The following MGST1 variants were observed in gnomAD, a reference collection of about 807,000 sequenced individuals.
The protein encoded by MGST1 is glutathione S-transferase 12.
Under a neutral mutation model 8.9 loss-of-function variants are expected in MGST1, and 5 were observed. The ratio of observed to expected loss-of-function variants is 0.56; its 90% CI spans 0.29 to 1.19. The LOEUF is 1.19. MGST1 is among the 50% of genes most tolerant of loss of function. The pLI is 0.08. For synonymous variants in MGST1, 54 were observed against 67.8 expected, an observed-to-expected ratio of 0.80 and a Z score of 1.00; for missense variants, 182 against 187.4, an observed-to-expected ratio of 0.97 and a Z score of 0.17.
intron 4 of MGST1, among the ~76,000 whole-genome samples, chr12:16,512,240 T>TG (rs1941581949): frequency 6.6e-6 from 1 of 151,696 alleles, no homozygotes; most frequent in Non-Finnish European, 1.5e-5. Flanking sequence ...GTATGGATGG[T>TG]GGGGAAGATT....
intron 4 of MGST1, among the ~76,000 whole-genome samples, chr12:16,541,385 A>G (rs1335561763): frequency 1.3e-5 from 2 of 152,174 alleles, no homozygotes; most frequent in Admixed American, 6.5e-5. Context: ...AAGGTGAAAT[A>G]CCCTTGAATG....
chr12:16,492,620 C>A (rs1404641484), intron 4 of MGST1, among the ~76,000 whole-genome samples: 1 of 152,140 alleles, frequency 6.6e-6, no homozygotes, highest in African/African-American at 2.4e-5. Context: ...TTGTTTAAAT[C>A]TTTTCTGGAG....
intron 4 of MGST1, among the ~76,000 whole-genome samples, chr12:16,471,976 T>A: frequency 6.6e-6 from 1 of 152,006 alleles, no homozygotes; most frequent in Non-Finnish European, 1.5e-5. Context: ...CCGCTCCACA[T>A]ACTCACACAT....
intron 4 of MGST1, among the ~76,000 whole-genome samples, chr12:16,566,856 G>A (rs2137394619): frequency 6.6e-6 from 1 of 152,170 alleles, no homozygotes; most frequent in East Asian, 1.9e-4. Flanking sequence ...TGAATGAAAA[G>A]GAAAGAGAAG....
chr12:16,494,036 G>T (rs1197616531), intron 4 of MGST1, among the ~76,000 whole-genome samples: 1 of 151,954 alleles, frequency 6.6e-6, no homozygotes, highest in African/African-American at 2.4e-5. Context: ...TTTTCAACTG[G>T]CTTAATGCTG....
intron 4 of MGST1, chr12:16,567,319 T>G (rs1187003381): frequency 1.3e-5 from 2 of 154,714 alleles, no homozygotes; most frequent in Non-Finnish European, 2.9e-5. Flanking sequence ...TGAAAGTAGA[T>G]GCCTACTACG....
rs139624794 is a variant in MGST1 at position 16,371,328 on chromosome 12, G to A, written c.222-4794G>A. Among the ~76,000 whole-genome samples, 204 of 152,150 alleles carry A rather than the reference G, an allele frequency of 1.3e-3. 1 individual carries two copies. Among genetic ancestry groups the A allele is most frequent in the African/African-American group, 4.8e-3 (200 of 41,510 alleles). On this transcript the variant is annotated intron_variant, in intron 3 of 3. Transcript: ENST00000535309. ...CTTCATAAAGAAATATTTATTGAAG[G>A]ACTCATATGTGCCCAGCACTATTCT...
chr12:16,492,134 T>C (rs138988533), intron 4 of MGST1, among the ~76,000 whole-genome samples: 157 of 152,350 alleles, frequency 1.0e-3, no homozygotes, highest in Non-Finnish European at 2.1e-3. Context: ...AAAAATGGAA[T>C]GATATGTAGG....
chr12:16,405,930 A>G (rs1363461872), intron 1 of MGST1, among the ~76,000 whole-genome samples: 1 of 152,238 alleles, frequency 6.6e-6, no homozygotes, highest in African/African-American at 2.4e-5. Flanking sequence ...AGAGTCATCT[A>G]TGACAAACTC....
At chr12:16,375,028 G>A (rs1278409035) in intron 3 of MGST1, among the ~76,000 whole-genome samples, 1 of 152,086 alleles carries the variant, frequency 6.6e-6, no homozygotes, top group Non-Finnish European at 1.5e-5. Flanking sequence ...CAACAGGCAT[G>A]CACCACCATG....
intron 3 of MGST1, among the ~76,000 whole-genome samples, chr12:16,360,773 T>C (rs1939953310): frequency 6.6e-6 from 1 of 152,188 alleles, no homozygotes; most frequent in Admixed American, 6.5e-5. Flanking sequence ...GAGTGTTCCA[T>C]GGAGTCTAAG....
chr12:16,535,929 T>G (rs1941754378), intron 4 of MGST1, among the ~76,000 whole-genome samples: 2 of 152,150 alleles, frequency 1.3e-5, no homozygotes, highest in Admixed American at 1.3e-4. Flanking sequence ...TGATAAGCAT[T>G]TTTTATCTAC....
chr12:16,536,441 GAAGTA>G (rs1188957796), intron 4 of MGST1, among the ~76,000 whole-genome samples: 1 of 152,262 alleles, frequency 6.6e-6, no homozygotes, highest in Middle Eastern at 3.4e-3. Flanking sequence ...GGTTTTGAGA[GAAGTA>G]AAGACAGTAA....
At chr12:16,536,942 C>T (rs189124751) in intron 4 of MGST1, among the ~76,000 whole-genome samples, 4 of 152,124 alleles carry the variant, frequency 2.6e-5, no homozygotes, top group East Asian at 1.9e-4. Context: ...CTCAAGTCCT[C>T]AAATTTCAAA....
At chr12:16,588,934 C>T (rs1943406812) in intron 4 of MGST1, among the ~76,000 whole-genome samples, 1 of 152,120 alleles carries the variant, frequency 6.6e-6, no homozygotes, top group Admixed American at 6.6e-5. Flanking sequence ...ATGTGTACCG[C>T]TCTTTCCCTA....
At chr12:16,436,651 T>TG (rs1940989776) in intron 1 of MGST1, among the ~76,000 whole-genome samples, 1 of 152,046 alleles carries the variant, frequency 6.6e-6, no homozygotes, top group Non-Finnish European at 1.5e-5. Context: ...ATTTATGAGT[T>TG]GCTGTTTTAA....
intron 3 of MGST1, among the ~76,000 whole-genome samples, chr12:16,373,699 G>T (rs986054264): frequency 2.6e-5 from 4 of 151,860 alleles, no homozygotes; most frequent in Non-Finnish European, 5.9e-5. Context: ...CTGACTAACT[G>T]GTGCCAGAAT....
chr12:16,507,258 A>G (rs1941543839), intron 4 of MGST1, among the ~76,000 whole-genome samples: 2 of 152,182 alleles, frequency 1.3e-5, no homozygotes, highest in African/African-American at 2.4e-5. Flanking sequence ...GAGAGAAAAT[A>G]TTAGGTACAA....
chr12:16,376,601 A>G (rs1940384401), exon 4 of MGST1: 1 of 151,760 alleles, frequency 6.6e-6, no homozygotes, highest in African/African-American at 2.5e-5. Flanking sequence ...AAGAAACTTG[A>G]GCGATTTGTC....
Sources: allele counts gnomAD v4.1 joint callset (sites outside exome capture counted in the v4.1 genomes callset), GRCh38; gene constraint gnomAD v4.1.1; transcripts MANE v1.5; gene names NCBI Gene and HGNC (gene_info 2026-07-23, HGNC 2026-07-21).